Variants in OPCML observed in about 807,000 individuals in gnomAD.
The protein encoded by OPCML is opioid-binding protein/cell adhesion molecule.
OPCML carries 13 observed loss-of-function variants against 37.8 expected under a neutral mutation model. That is an observed-to-expected ratio of 0.34 (90% CI 0.22 to 0.55). The LOEUF is 0.55. Among genes scored for constraint, OPCML ranks in the 20% least tolerant of loss-of-function variants. The probability of loss-of-function intolerance (pLI) is 0.91; values close to 1 mark genes in which losing one functional copy is unlikely to be tolerated. For missense variants in OPCML, 341 were observed against 435.6 expected (o/e 0.78, Z 1.93); for synonymous variants, 176 against 168.8 (o/e 1.04, Z -0.33).
intron 1 of OPCML, among the ~76,000 whole-genome samples, chr11:133,346,942 A>G (rs1390367205): frequency 6.6e-6 from 1 of 152,160 alleles, no homozygotes; most frequent in Non-Finnish European, 1.5e-5. Flanking sequence ...CCTACTGAAG[A>G]CTGACTTTCC....
rs577318544 is a variant in OPCML, at chr11:132,550,207, G to C, written c.380-21021C>G. 3.3e-5 allele frequency among the ~76,000 whole-genome samples: 5 copies of C among 152,282 alleles called. No homozygotes were observed. The South Asian group carries it at 1.0e-3, about 32-fold the overall frequency. On this transcript the variant is annotated intron_variant, in intron 3 of 7. Transcript: ENST00000524381. ...AAGATCTGAAGCTAATGTAATCTGTGACATTAAGGGGGTGATAATAGTGTA... is the reference window on the plus strand; with the variant it reads ...AAGATCTGAAGCTAATGTAATCTGTCACATTAAGGGGGTGATAATAGTGTA...
chr11:132,994,835 A>G (rs180847470), intron 1 of OPCML, among the ~76,000 whole-genome samples: 107 of 152,340 alleles, frequency 7.0e-4, no homozygotes, highest in Non-Finnish European at 8.4e-4. Context: ...ATAAGGTTAT[A>G]AGAACCTCAG....
chr11:133,021,180 A>G (rs1296726166), intron 1 of OPCML, among the ~76,000 whole-genome samples: 1 of 152,174 alleles, frequency 6.6e-6, no homozygotes, highest in Non-Finnish European at 1.5e-5. Flanking sequence ...TGAGTCTTGT[A>G]AGAGGATACA....
chr11:132,640,667 T>G (rs536989026), intron 3 of OPCML, among the ~76,000 whole-genome samples: 1 of 152,170 alleles, frequency 6.6e-6, no homozygotes, highest in South Asian at 2.1e-4. Context: ...ATCCTCAGAG[T>G]GGATACATTT....
intron 2 of OPCML, among the ~76,000 whole-genome samples, chr11:132,685,717 T>G (rs1943136677): frequency 6.6e-6 from 1 of 152,186 alleles, no homozygotes; most frequent in Admixed American, 6.5e-5. Context: ...AAGAAAGATT[T>G]ATTTGTAATT....
At chr11:132,462,119 T>C (rs1178158636) in intron 4 of OPCML, among the ~76,000 whole-genome samples, 3 of 152,148 alleles carry the variant, frequency 2.0e-5, no homozygotes. Context: ...GATCCAACAC[T>C]ATCTTCAGGT....
rs577135062 is a variant in OPCML, at chr11:132,495,815, A to G, written c.505+33246T>C. Among the ~76,000 whole-genome samples the G allele has an allele frequency of 1.6e-3, 249 of 151,852 alleles. 2 individuals carry two copies. The highest frequency in any genetic ancestry group is 3.4e-3 in the Non-Finnish European group (231 of 67,944). Reference sequence around the variant, plus strand: ...GAGGCTGAGGTGGGAGAATGGTGTGAACCCAGGAGGCAGAGCTTGCGCTGA... The same window carrying G: ...GAGGCTGAGGTGGGAGAATGGTGTGGACCCAGGAGGCAGAGCTTGCGCTGA... On this transcript the variant is annotated intron_variant, in intron 4 of 7. Transcript: ENST00000524381.
chr11:132,630,988 A>G (rs1940066399), intron 3 of OPCML, among the ~76,000 whole-genome samples: 1 of 152,208 alleles, frequency 6.6e-6, no homozygotes, highest in Admixed American at 6.5e-5. Context: ...AGAAAAATTC[A>G]GAAGCATGAT....
intron 1 of OPCML, among the ~76,000 whole-genome samples, chr11:133,407,535 C>T (rs1945551552): frequency 6.6e-6 from 1 of 152,058 alleles, no homozygotes; most frequent in Non-Finnish European, 1.5e-5. Context: ...GGATCCACAT[C>T]CACTCCACTA....
chr11:132,717,624 A>G lies in OPCML; in HGVS notation c.147-60305T>C, dbSNP rs142255413. Among the ~76,000 whole-genome samples the G allele has an allele frequency of 9.0e-3, 1,369 of 152,316 alleles. 16 individuals are homozygous for G. The highest frequency in any genetic ancestry group is 0.03 in the African/African-American group (1,267 of 41,568). ...TTTTCAAATTTTCTAAGATTAACAT[A>G]TATCGTATTGTAGTTAAAAAAGTTA... On this transcript the variant is annotated intron_variant, in intron 2 of 7. Transcript: ENST00000524381.
intron 1 of OPCML, among the ~76,000 whole-genome samples, chr11:133,167,218 G>A (rs904317200): frequency 2.0e-5 from 3 of 151,894 alleles, no homozygotes; most frequent in African/African-American, 7.3e-5. Flanking sequence ...CATCCCATTG[G>A]GTCTTTGCTT....
chr11:133,482,461 C>G lies in OPCML; in HGVS notation c.61+49803G>C, dbSNP rs79484833. On this transcript the variant is annotated intron_variant, in intron 1 of 7. Coordinates refer to ENST00000524381, the MANE Select transcript of OPCML (RefSeq NM_001012393.5). ...TGTCTGTGAAAAGCCCCTGGAGGAT[C>G]TGGGTGCTGCCTTACACCTGAGTGG... Among the ~76,000 whole-genome samples the G allele has an allele frequency of 8.9e-3, 1,361 of 152,232 alleles. 11 individuals are homozygous for G. The highest frequency in any genetic ancestry group is 0.014 in the Middle Eastern group (4 of 294).
chr11:132,995,129 G>A (rs1409720413), intron 1 of OPCML, among the ~76,000 whole-genome samples: 2 of 152,200 alleles, frequency 1.3e-5, no homozygotes, highest in African/African-American at 2.4e-5. Context: ...GGGAGAATGT[G>A]TCATATTATG....
intron 3 of OPCML, among the ~76,000 whole-genome samples, chr11:132,567,243 C>A (rs1460011516): frequency 6.6e-6 from 1 of 152,102 alleles, no homozygotes; most frequent in Non-Finnish European, 1.5e-5. Flanking sequence ...GAAAAATTAA[C>A]CAATGCCAAC....
intron 1 of OPCML, among the ~76,000 whole-genome samples, chr11:133,333,657 A>C (rs1943675928): frequency 6.6e-6 from 1 of 152,258 alleles, no homozygotes; most frequent in Non-Finnish European, 1.5e-5. Context: ...AATTAAACTT[A>C]AGAGCTGCTG....
At chr11:132,591,663 A>T (rs1363145256) in intron 3 of OPCML, among the ~76,000 whole-genome samples, 1 of 152,210 alleles carries the variant, frequency 6.6e-6, no homozygotes, top group African/African-American at 2.4e-5. Context: ...AAATGGTAAC[A>T]GTGAGGATTC....
At chr11:132,643,790 C>T (rs1940997390) in intron 3 of OPCML, among the ~76,000 whole-genome samples, 1 of 152,200 alleles carries the variant, frequency 6.6e-6, no homozygotes, top group South Asian at 2.1e-4. Context: ...CTCTCTCATT[C>T]AACAAGCTCA....
At chr11:133,143,304 A>G (rs1949852136) in intron 1 of OPCML, among the ~76,000 whole-genome samples, 1 of 152,184 alleles carries the variant, frequency 6.6e-6, no homozygotes, top group African/African-American at 2.4e-5. Context: ...GAACACTATC[A>G]TTAGCTTTGC....
At chr11:133,406,675 C>A (rs1945533330) in intron 1 of OPCML, among the ~76,000 whole-genome samples, 1 of 152,122 alleles carries the variant, frequency 6.6e-6, no homozygotes, top group Non-Finnish European at 1.5e-5. Flanking sequence ...AAAAGCCAGG[C>A]CTGTGTGTGC....
Sources: gnomAD v4.1 joint callset for allele counts (sites outside exome capture counted in the v4.1 genomes callset) on GRCh38, gnomAD v4.1.1 for gene constraint, MANE v1.5 for transcripts, NCBI Gene and HGNC (gene_info 2026-07-23, HGNC 2026-07-21) for gene names.